The following NUDCD1 variants were observed in gnomAD, a reference collection of about 807,000 sequenced individuals.
NUDCD1 encodes nudC domain-containing protein 1.
A neutral mutation model predicts 67.8 loss-of-function variants in NUDCD1; 60 were observed. That is an observed-to-expected ratio of 0.88 (90% CI 0.72 to 1.10). The LOEUF (loss-of-function observed/expected upper bound fraction) is 1.10, where lower values mean the gene tolerates loss of function less well. Ranked by LOEUF, NUDCD1 falls within the 50% of genes least tolerant of loss-of-function variation. NUDCD1 has a pLI of 0.00. For missense variants in NUDCD1, 643 were observed against 695.0 expected (o/e 0.93, Z 0.84); for synonymous variants, 244 against 230.8 (o/e 1.06, Z -0.52).
intron 2 of NUDCD1, among the ~76,000 whole-genome samples, chr8:109,310,248 A>G (rs964262805): frequency 6.6e-6 from 1 of 152,218 alleles, no homozygotes; most frequent in African/African-American, 2.4e-5. Context: ...CCAAAACAGC[A>G]TGGTTACTGG....
At chr8:109,307,151 G>T (rs1680638392) in intron 2 of NUDCD1, among the ~76,000 whole-genome samples, 1 of 152,148 alleles carries the variant, frequency 6.6e-6, no homozygotes, top group African/African-American at 2.4e-5. Flanking sequence ...CTTAACTGAT[G>T]ACATTCCACC....
At chr8:109,268,936 G>C (rs1814075568) in intron 8 of NUDCD1, among the ~76,000 whole-genome samples, 1 of 151,978 alleles carries the variant, frequency 6.6e-6, no homozygotes, top group Non-Finnish European at 1.5e-5. Flanking sequence ...AATCAAAACA[G>C]CTCCAATAAT....
At chr8:109,313,701 C>T (rs1815315902) in intron 2 of NUDCD1, 2 of 437,928 alleles carry the variant, frequency 4.6e-6, no homozygotes, top group African/African-American at 2.0e-5. Flanking sequence ...ATCTAATAAA[C>T]CATTACTGGG....
chr8:109,325,167 G>A (rs531257433), intron 1 of NUDCD1, among the ~76,000 whole-genome samples: 1 of 152,172 alleles, frequency 6.6e-6, no homozygotes, highest in African/African-American at 2.4e-5. Context: ...TGGAGGGAGA[G>A]AGTAGAAAGA....
At chr8:109,318,430 C>G (rs1815454251) in intron 2 of NUDCD1, among the ~76,000 whole-genome samples, 1 of 152,200 alleles carries the variant, frequency 6.6e-6, no homozygotes. Flanking sequence ...ACACAGAACT[C>G]TACATCAAAA....
chr8:109,243,340 A>G (rs759970249), intron 9 of NUDCD1, 39 bp from the exon 10 acceptor site: 2 of 1,464,898 alleles, frequency 1.4e-6, no homozygotes, highest in Non-Finnish European at 1.8e-6. Flanking sequence ...AAAACTATAT[A>G]TTAAACAGAA....
intron 3 of NUDCD1, 141 bp from the exon 4 acceptor site, chr8:109,293,665 C>T: frequency 2.2e-6 from 1 of 445,010 alleles, no homozygotes; most frequent in Non-Finnish European, 3.9e-6. Flanking sequence ...ATAAAAAGGC[C>T]TTTACATAAA....
At chr8:109,318,978 G>A (rs1479544514) in intron 2 of NUDCD1, among the ~76,000 whole-genome samples, 1 of 126,546 alleles carries the variant, frequency 7.9e-6, no homozygotes, top group Non-Finnish European at 1.7e-5. Context: ...TTTTTTTTGA[G>A]ACGGACTCTT....
rs1563675948 is a variant in NUDCD1, at chr8:109,296,583, A to T, written c.274-14T>A. 1 of 1,533,614 alleles carries T rather than the reference A, an allele frequency of 6.5e-7. No homozygotes were observed. On this transcript the variant is annotated splice_polypyrimidine_tract_variant and intron_variant, in intron 2 of 9. Coordinates refer to ENST00000239690, the MANE Select transcript of NUDCD1 (RefSeq NM_032869.4). ...TAAGGCAGTGTCCTAAAAAGACCAAACATTATACATTAATCTCTTCCTCTT... is the reference window on the plus strand; with the variant it reads ...TAAGGCAGTGTCCTAAAAAGACCAATCATTATACATTAATCTCTTCCTCTT...
At chr8:109,288,350 G>A (rs2980614) in intron 5 of NUDCD1, among the ~76,000 whole-genome samples, 111,890 of 152,062 alleles carry the variant, frequency 0.74, 42,252 homozygotes, top group African/African-American at 0.91. Context: ...ATTCCCTCGA[G>A]ATTGCTTACC....
chr8:109,268,330 T>C (rs1467624478), intron 8 of NUDCD1, among the ~76,000 whole-genome samples: 1 of 152,144 alleles, frequency 6.6e-6, no homozygotes, highest in Non-Finnish European at 1.5e-5. Context: ...GCTGCCCCTC[T>C]AGGGGCAGCC....
intron 5 of NUDCD1, among the ~76,000 whole-genome samples, chr8:109,288,279 G>A (rs983087492): frequency 2.6e-5 from 4 of 152,092 alleles, no homozygotes; most frequent in African/African-American, 9.7e-5. Context: ...AATCTGTCTT[G>A]GAACTGCATG....
At chr8:109,273,305 T>G (rs1473013440) in intron 7 of NUDCD1, among the ~76,000 whole-genome samples, 1 of 151,956 alleles carries the variant, frequency 6.6e-6, no homozygotes, top group Non-Finnish European at 1.5e-5. Flanking sequence ...GCCTTAGGTG[T>G]AAGAATAAAC....
intron 8 of NUDCD1, among the ~76,000 whole-genome samples, chr8:109,262,226 C>T (rs1361328901): frequency 6.6e-6 from 1 of 152,232 alleles, no homozygotes; most frequent in Admixed American, 6.5e-5. Flanking sequence ...CTGCTCTTTA[C>T]TCTCTAATAC....
chr8:109,263,054 CAAAAAAAAA>C (rs59659347), intron 8 of NUDCD1, among the ~76,000 whole-genome samples: 2 of 42,010 alleles, frequency 4.8e-5, no homozygotes, highest in South Asian at 2.0e-3. Flanking sequence ...GACTCTGTCT[CAAAAAAAAA>C]AAAAAAAAAA....
intron 3 of NUDCD1, among the ~76,000 whole-genome samples, chr8:109,294,718 A>C (rs960546371): frequency 2.6e-5 from 4 of 152,140 alleles, no homozygotes; most frequent in African/African-American, 9.7e-5. Flanking sequence ...GATACCGTTG[A>C]TACATGGCAC....
intron 4 of NUDCD1, among the ~76,000 whole-genome samples, chr8:109,291,081 A>T (rs1020441658): frequency 2.0e-5 from 3 of 152,186 alleles, no homozygotes; most frequent in African/African-American, 7.2e-5. Flanking sequence ...CATGGGACAG[A>T]AAAGAATAGG....
At chr8:109,311,559 G>GTGTGTATATATATA in intron 2 of NUDCD1, among the ~76,000 whole-genome samples, 281 of 124,700 alleles carry the variant, frequency 2.3e-3, no homozygotes, top group South Asian at 6.5e-3. Context: ...AAACTGTGGT[G>GTGTGTATATATATA]TATATATATA....
intron 8 of NUDCD1, among the ~76,000 whole-genome samples, chr8:109,269,541 C>G (rs2129944149): frequency 6.6e-6 from 1 of 152,264 alleles, no homozygotes; most frequent in East Asian, 1.9e-4. Flanking sequence ...GCCAGCTTCC[C>G]ATGACACTTT....
Sources: allele counts gnomAD v4.1 joint callset (sites outside exome capture counted in the v4.1 genomes callset), GRCh38; gene constraint gnomAD v4.1.1; transcripts MANE v1.5; gene names NCBI Gene and HGNC (gene_info 2026-07-23, HGNC 2026-07-21).